STK32B: variants seen among roughly 807,000 people sequenced by gnomAD.
STK32B encodes the protein serine/threonine kinase 32B.
In STK32B, 43 loss-of-function variants were observed where a neutral mutation model predicts 52.6. The ratio of observed to expected loss-of-function variants is 0.82; its 90% CI spans 0.64 to 1.05. The LOEUF (loss-of-function observed/expected upper bound fraction) is 1.05, where lower values mean the gene tolerates loss of function less well. Among genes scored for constraint, STK32B ranks in the 50% least tolerant of loss-of-function variants. The pLI, the probability that STK32B is intolerant of heterozygous loss-of-function variation, is 0.00. For missense variants in STK32B, 621 were observed against 534.6 expected, an observed-to-expected ratio of 1.16 and a Z score of -1.59; for synonymous variants, 238 against 204.3, an observed-to-expected ratio of 1.17 and a Z score of -1.41.
At position 5,396,801 on chromosome 4, in the gene STK32B, C is replaced by T. The variant is rs1393346831; in HGVS notation, c.435-1406C>T. Among the ~76,000 whole-genome samples, 1 of 152,102 alleles carries T rather than the reference C, an allele frequency of 6.6e-6. No individual in the cohort carries two copies. The highest frequency in any genetic ancestry group is 1.5e-5 in the Non-Finnish European group (1 of 68,044). ...GTTGAGAAACCCTGCTGGGAGCCAC[C>T]CTGGGCAGGGACCAAGCATTTGCTG... On this transcript the variant is annotated intron_variant, in intron 4 of 11. Transcript: ENST00000282908. The surrounding 1 kb of genome is among the most constrained non-coding windows in gnomAD (Gnocchi z 4.7).
At chr4:5,266,202 T>G (rs1477145450) in intron 3 of STK32B, among the ~76,000 whole-genome samples, 1 of 152,230 alleles carries the variant, frequency 6.6e-6, no homozygotes, top group Non-Finnish European at 1.5e-5. Flanking sequence ...AGCATCACCA[T>G]CATTCGGACA....
Position 5,145,072 on chromosome 4 carries a change from G to A in STK32B, c.108+5112G>A, listed in dbSNP as rs377194030. ...AAACTTCAAAAGCTGTGATGCCCTT[G>A]CTGTCAAGGGCAGGGTTGACTGCAT... On this transcript the variant is annotated intron_variant, in intron 2 of 11. Coordinates refer to ENST00000282908, the MANE Select transcript of STK32B (RefSeq NM_018401.3). Among the ~76,000 whole-genome samples the A allele has an allele frequency of 1.4e-4, 22 of 152,268 alleles. No individual in the cohort carries two copies. The East Asian group carries it at 3.5e-3, about 24-fold the overall frequency.
At chr4:5,031,435 A>T in the STK32B span, among the ~76,000 whole-genome samples, 1 of 152,058 alleles carries the variant, frequency 6.6e-6, no homozygotes, top group African/African-American at 2.4e-5. Context: ...CATCTCTGGT[A>T]TAAAAAAACA....
chr4:5,198,246 A>T (rs186656407), intron 3 of STK32B, among the ~76,000 whole-genome samples: 1 of 152,252 alleles, frequency 6.6e-6, no homozygotes, highest in African/African-American at 2.4e-5. Context: ...GTCAGCCAAC[A>T]CTCTATCAAA....
At chr4:5,196,614 A>T (rs186131677) in intron 3 of STK32B, among the ~76,000 whole-genome samples, 1 of 151,936 alleles carries the variant, frequency 6.6e-6, no homozygotes, top group Admixed American at 6.6e-5. Context: ...CCAGCTACTC[A>T]GGAGGCTGAG....
upstream of STK32B, chr4:5,051,417 G>C: frequency 5.3e-6 from 1 of 187,436 alleles, no homozygotes; most frequent in South Asian, 1.3e-4. Context: ...CCCTTTCTCA[G>C]CTCCTTCCGC....
chr4:5,044,719 A>G, the STK32B span, among the ~76,000 whole-genome samples: 1 of 152,114 alleles, frequency 6.6e-6, no homozygotes, highest in South Asian at 2.1e-4. Context: ...GCAGCCTGGG[A>G]AACACAGTGA....
chr4:5,379,056 G>A (rs1262814809), intron 4 of STK32B, among the ~76,000 whole-genome samples: 1 of 141,424 alleles, frequency 7.1e-6, no homozygotes, highest in Non-Finnish European at 1.5e-5. Context: ...GGAGCACCAA[G>A]GAGAGAAATC....
intron 6 of STK32B, among the ~76,000 whole-genome samples, chr4:5,444,607 C>T (rs1014789630): frequency 3.9e-5 from 6 of 152,312 alleles, no homozygotes; most frequent in Admixed American, 1.3e-4. Context: ...TGTTCCTATT[C>T]GGCCATCTTG....
intron 2 of STK32B, among the ~76,000 whole-genome samples, chr4:5,161,600 A>G (rs146231886): frequency 6.6e-6 from 1 of 152,316 alleles, no homozygotes; most frequent in African/African-American, 2.4e-5. Context: ...CTAGCAAACT[A>G]ACATCTCCTT....
At chr4:5,146,082 G>A (rs1716893372) in intron 2 of STK32B, among the ~76,000 whole-genome samples, 1 of 149,598 alleles carries the variant, frequency 6.7e-6, no homozygotes, top group Admixed American at 6.7e-5. Flanking sequence ...ATGGACATCA[G>A]TTTCTTGAAA....
intron 3 of STK32B, among the ~76,000 whole-genome samples, chr4:5,188,940 C>G (rs113717503): frequency 0.017 from 2,593 of 151,808 alleles, 58 homozygotes; most frequent in African/African-American, 0.058. Flanking sequence ...TGCAGCAAAC[C>G]AACATGGCAC....
intron 3 of STK32B, among the ~76,000 whole-genome samples, chr4:5,321,823 C>G (rs1054370076): frequency 6.6e-6 from 1 of 152,096 alleles, no homozygotes; most frequent in Admixed American, 6.6e-5. Context: ...CTGCCTCTGC[C>G]TGGAGGTGCT....
chr4:5,309,492 T>C (rs986343018), intron 3 of STK32B, among the ~76,000 whole-genome samples: 3 of 152,048 alleles, frequency 2.0e-5, no homozygotes, highest in African/African-American at 7.2e-5. Flanking sequence ...AAGTATACCA[T>C]AAAACTATAG....
intron 3 of STK32B, among the ~76,000 whole-genome samples, chr4:5,224,319 C>T (rs11734664): frequency 0.095 from 14,390 of 152,262 alleles, 832 homozygotes; most frequent in Middle Eastern, 0.13. Flanking sequence ...CATGGGACCT[C>T]CCAATGCACT....
chr4:5,080,971 G>A (rs1351761443), intron 1 of STK32B, among the ~76,000 whole-genome samples: 6 of 151,976 alleles, frequency 3.9e-5, no homozygotes, highest in South Asian at 2.1e-4. Context: ...CCCCCAACCC[G>A]TCTTGACTAC....
chr4:5,327,985 C>T (rs912690151), intron 3 of STK32B, among the ~76,000 whole-genome samples: 1 of 152,236 alleles, frequency 6.6e-6, no homozygotes, highest in African/African-American at 2.4e-5. Flanking sequence ...TCAACACCTG[C>T]TGCTTCACCT....
rs1010534057 is a variant in STK32B at position 5,453,515 on chromosome 4, A to G, written c.667-3292A>G. On this transcript the variant is annotated intron_variant, in intron 7 of 11. Transcript: ENST00000282908. The surrounding 1 kb of genome is among the most constrained non-coding windows in gnomAD (Gnocchi z 4.0). ...GGGATGAAGTGCCCCATCATTGTCC[A>G]GGGTCTTTGCACCTCCTTTTCAGGG... Among the ~76,000 whole-genome samples the G allele has an allele frequency of 6.6e-6, 1 of 152,074 alleles. No homozygotes were observed. The highest frequency in any genetic ancestry group is 2.4e-5 in the African/African-American group (1 of 41,428).
At chr4:5,444,882 G>A (rs1715241605) in intron 6 of STK32B, among the ~76,000 whole-genome samples, 1 of 152,176 alleles carries the variant, frequency 6.6e-6, no homozygotes, top group Non-Finnish European at 1.5e-5. Context: ...CTGTTTCCCA[G>A]GGCACAATGT....
Sources: allele counts gnomAD v4.1 joint callset (sites outside exome capture counted in the v4.1 genomes callset), GRCh38; gene constraint gnomAD v4.1.1; non-coding constraint Gnocchi (gnomAD v3.1); transcripts MANE v1.5; gene names NCBI Gene and HGNC (gene_info 2026-07-23, HGNC 2026-07-21).